The following KRABD3 variants were observed in gnomAD, a reference collection of about 807,000 sequenced individuals.
The protein encoded by KRABD3 is KRAB domain containing 3.
At chr7:149,724,932 C>A in the KRABD3 span, 1 of 1,183,310 alleles carries the variant, frequency 8.5e-7, no homozygotes, top group Non-Finnish European at 1.1e-6. Flanking sequence ...CCCAGGGAAG[C>A]AGCTCTCAGC....
At chr7:149,720,971 A>G in the KRABD3 span, 1 of 1,613,570 alleles carries the variant, frequency 6.2e-7, no homozygotes, top group South Asian at 1.1e-5. Context: ...GCCTGGATGG[A>G]GAGAGAGCGA....
the KRABD3 span, chr7:149,719,921 A>C: frequency 7.0e-7 from 1 of 1,422,104 alleles, no homozygotes; most frequent in Non-Finnish European, 9.3e-7. The surrounding 1 kb of genome is among the most constrained non-coding windows in gnomAD (Gnocchi z 5.6). Flanking sequence ...ATGTGCACAG[A>C]CCTGCAGGGG....
chr7:149,731,607 A>G, the KRABD3 span: 28 of 1,113,686 alleles, frequency 2.5e-5, no homozygotes, highest in Non-Finnish European at 3.8e-5. Context: ...GTTTTAGGGT[A>G]TGTCAGAATG....
the KRABD3 span, among the ~76,000 whole-genome samples, chr7:149,723,324 C>T: frequency 6.6e-6 from 1 of 152,224 alleles, no homozygotes; most frequent in Non-Finnish European, 1.5e-5. Context: ...TGGAGTCAGA[C>T]CCGGAGAGGC....
chr7:149,722,628 C>A, the KRABD3 span: 1 of 1,522,302 alleles, frequency 6.6e-7, no homozygotes, highest in Non-Finnish European at 9.0e-7. Flanking sequence ...TCATGCTGCT[C>A]CGCCGCCTGG....
the KRABD3 span, chr7:149,729,451 C>T: frequency 1.0e-5 from 13 of 1,292,628 alleles, no homozygotes; most frequent in South Asian, 5.3e-5. Flanking sequence ...CCCTCTCTGT[C>T]CCTCTGTTTC....
chr7:149,731,797 A>G, the KRABD3 span: 4 of 1,573,620 alleles, frequency 2.5e-6, no homozygotes, highest in African/African-American at 5.4e-5. Context: ...GGCTTCCCCC[A>G]TTCCCTCTGC....
At chr7:149,732,551 G>A in the KRABD3 span, among the ~76,000 whole-genome samples, 1 of 152,150 alleles carries the variant, frequency 6.6e-6, no homozygotes, top group Non-Finnish European at 1.5e-5. This position sits in a 1 kb window ranked among gnomAD's most constrained non-coding sequence, Gnocchi z 4.0. Context: ...AGCCTTTCCT[G>A]TGGTTTGCCC....
chr7:149,731,182 G>A, the KRABD3 span, among the ~76,000 whole-genome samples: 1 of 152,212 alleles, frequency 6.6e-6, no homozygotes, highest in Non-Finnish European at 1.5e-5. Context: ...GGAGGGAGAA[G>A]CAGGGGAGAA....
At chr7:149,715,098 G>T in the KRABD3 span, 2 of 1,230,830 alleles carry the variant, frequency 1.6e-6, no homozygotes, top group Non-Finnish European at 1.0e-6. Flanking sequence ...ACCCCTCGGC[G>T]CAGTGCGGCC....
the KRABD3 span, among the ~76,000 whole-genome samples, chr7:149,718,971 T>TC: frequency 2.2e-3 from 328 of 152,274 alleles, 1 homozygote; most frequent in African/African-American, 6.9e-3. Flanking sequence ...CCAGGTTTCT[T>TC]CTGAGCACTT....
chr7:149,718,513 CTT>C, the KRABD3 span, among the ~76,000 whole-genome samples: 3 of 81,966 alleles, frequency 3.7e-5, no homozygotes, highest in Non-Finnish European at 4.5e-5. Flanking sequence ...CACTGAAGGA[CTT>C]TTTTTTTTTT....
At chr7:149,718,513 CTTTTT>C in the KRABD3 span, among the ~76,000 whole-genome samples, 33 of 81,968 alleles carry the variant, frequency 4.0e-4, no homozygotes, top group African/African-American at 1.5e-3. Context: ...CACTGAAGGA[CTTTTT>C]TTTTTTTTTT....
At chr7:149,729,757 C>T in the KRABD3 span, 53 of 985,384 alleles carry the variant, frequency 5.4e-5, 1 homozygote, top group Admixed American at 1.4e-3. Context: ...TCCCATCAGA[C>T]GAGGATGGGC....
the KRABD3 span, chr7:149,729,544 G>A: frequency 3.0e-6 from 3 of 985,348 alleles, no homozygotes; most frequent in East Asian, 2.3e-4. Context: ...AAGATAAAGT[G>A]TCACAAAGTG....
the KRABD3 span, chr7:149,723,964 G>A: frequency 2.0e-6 from 3 of 1,518,096 alleles, no homozygotes; most frequent in African/African-American, 1.4e-5. Flanking sequence ...GCTGTAGGTG[G>A]CCCCCACCAC....
chr7:149,728,502 G>A, the KRABD3 span: 1 of 1,611,544 alleles, frequency 6.2e-7, no homozygotes, highest in Non-Finnish European at 8.5e-7. Context: ...CCCCTCATCT[G>A]TGAATGTTTG....
the KRABD3 span, chr7:149,724,576 C>A: frequency 1.8e-6 from 2 of 1,142,546 alleles, no homozygotes; most frequent in Non-Finnish European, 1.2e-6. Flanking sequence ...CCCTCCTAAC[C>A]CTATAAAGGC....
chr7:149,720,611 G>A, the KRABD3 span, among the ~76,000 whole-genome samples: 4 of 152,230 alleles, frequency 2.6e-5, no homozygotes, highest in Non-Finnish European at 5.9e-5. Flanking sequence ...TAGAACAGAG[G>A]AGCCCTGTTA....
Sources: allele counts gnomAD v4.1 joint callset (sites outside exome capture counted in the v4.1 genomes callset), GRCh38; gene constraint gnomAD v4.1.1; non-coding constraint Gnocchi (gnomAD v3.1); transcripts MANE v1.5; gene names NCBI Gene and HGNC (gene_info 2026-07-23, HGNC 2026-07-21).